The following TAF1 variants were observed in gnomAD, a reference collection of about 807,000 sequenced individuals.
The protein encoded by TAF1 is TATA-box binding protein associated factor 1.
TAF1 carries 2 observed loss-of-function variants against 138.5 expected under a neutral mutation model. That is an observed-to-expected ratio of 0.01 (90% CI 0.01 to 0.05). The LOEUF (loss-of-function observed/expected upper bound fraction) is 0.05, where lower values mean the gene tolerates loss of function less well. Ranked by LOEUF, TAF1 falls within the 10% of genes least tolerant of loss-of-function variation. The pLI, the probability that TAF1 is intolerant of heterozygous loss-of-function variation, is 1.00. For missense variants in TAF1, 709 were observed against 1,478.0 expected (o/e 0.48, Z 8.53); for synonymous variants, 437 against 503.2 (o/e 0.87, Z 1.76).
chrX:71,406,286 G>A (rs180843002), intron 25 of TAF1, among the ~76,000 whole-genome samples: 6 of 98,827 alleles, frequency 6.1e-5, no homozygotes, highest in Admixed American at 1.2e-4. Flanking sequence ...CTGACATTGC[G>A]CCATTGCACT....
At chrX:71,528,925 G>A (rs2040050693) in intron 14 of TAF1, among the ~76,000 whole-genome samples, 1 of 111,923 alleles carries the variant, frequency 8.9e-6, no homozygotes, top group African/African-American at 3.3e-5. Context: ...TTTACAGAGT[G>A]CTGATTGGTC....
chrX:71,404,194 G>T (rs760084131), intron 25 of TAF1, among the ~76,000 whole-genome samples: 2 of 110,385 alleles, frequency 1.8e-5, no homozygotes, highest in African/African-American at 3.3e-5. Context: ...GGCTGGTCTT[G>T]AACTTCTGAC....
chrX:71,512,029 A>G (rs191933860), intron 13 of TAF1, among the ~76,000 whole-genome samples: 3,444 of 105,689 alleles, frequency 0.033, 48 homozygotes, highest in African/African-American at 0.041. Flanking sequence ...AAAAAAAAAA[A>G]GGGGGCTGGG....
chrX:71,422,591 C>T (rs2036407209), intron 29 of TAF1, among the ~76,000 whole-genome samples: 2 of 108,981 alleles, frequency 1.8e-5, no homozygotes, highest in African/African-American at 6.7e-5. Flanking sequence ...TCCCAGATTG[C>T]TGGGATTACA....
At chrX:71,471,372 C>CAT (rs2038885356) in intron 13 of TAF1, among the ~76,000 whole-genome samples, 2 of 104,950 alleles carry the variant, frequency 1.9e-5, no homozygotes, top group South Asian at 8.3e-4. Flanking sequence ...CACACACACA[C>CAT]ATGAATGGAA....
At chrX:71,458,465 A>G in intron 35 of TAF1, 99 bp downstream of exon 35, 1 of 1,065,580 alleles carries the variant, frequency 9.4e-7, no homozygotes, top group South Asian at 2.3e-5. Context: ...TATGTCAAGA[A>G]TGACTGGGCC....
At chrX:71,417,609 C>G (rs944177405) in intron 28 of TAF1, among the ~76,000 whole-genome samples, 2 of 111,048 alleles carry the variant, frequency 1.8e-5, no homozygotes, top group African/African-American at 6.6e-5. Flanking sequence ...AGCGATCTGT[C>G]CACCTCAGCA....
At chrX:71,510,532 G>A (rs1284205810) in intron 13 of TAF1, among the ~76,000 whole-genome samples, 1 of 111,868 alleles carries the variant, frequency 8.9e-6, no homozygotes, top group Admixed American at 9.5e-5. Context: ...TGCAGATGGT[G>A]CCGCTATCAA....
At chrX:71,491,146 C>T (rs1437892173) in intron 13 of TAF1, 1 of 100,376 alleles carries the variant, frequency 1.0e-5, no homozygotes, top group Non-Finnish European at 2.0e-5. Context: ...TAGTTGTAAA[C>T]ACCACTGCAC....
At chrX:71,496,390 G>C (rs1427487650) in intron 13 of TAF1, among the ~76,000 whole-genome samples, 1 of 112,257 alleles carries the variant, frequency 8.9e-6, no homozygotes, top group Non-Finnish European at 1.9e-5. Context: ...TCATGGAGAA[G>C]ACCTTCAATG....
At chrX:71,503,340 A>ATGTG (rs2039557721) in intron 13 of TAF1, among the ~76,000 whole-genome samples, 1 of 99,329 alleles carries the variant, frequency 1.0e-5, no homozygotes, top group African/African-American at 3.8e-5. Flanking sequence ...ATATATATAT[A>ATGTG]TATGTGTATA....
Position 71,454,848 on chromosome X carries a change from C to T in TAF1, c.4929C>T (p.Tyr1643=). 8.3e-7 allele frequency: 1 copy of T among 1,209,975 alleles called. No individual in the cohort carries two copies. The highest frequency in any genetic ancestry group is 1.1e-6 in the Non-Finnish European group (1 of 894,495). ...ESLDPMTPGP[Y]TPQPPDLYDT... Reference sequence around the variant, plus strand: ...TGGACCCAATGACCCCAGGGCCCTACACGCCTCAGGTGAGTCTGAGGACTA... The same window carrying T: ...TGGACCCAATGACCCCAGGGCCCTATACGCCTCAGGTGAGTCTGAGGACTA... The change falls in exon 34 of 38, where the codon TAC becomes TAT. Residue 1643 remains tyrosine, a synonymous_variant. Transcript: ENST00000423759.
intron 32 of TAF1, among the ~76,000 whole-genome samples, chrX:71,426,487 C>T (rs902297109): frequency 9.0e-6 from 1 of 111,327 alleles, no homozygotes; most frequent in Non-Finnish European, 1.9e-5. Context: ...AGGCCGAGGC[C>T]GGCGGATCAC....
rs1180720190 is a variant in TAF1, at chrX:71,445,242, G to A, written c.4754-8928G>A. ...TTGAACCTGGGAGGTGGAGGTTGCA[G>A]TGAGTTGAGATCACGCCACTGCACT... On this transcript the variant is annotated intron_variant, in intron 32 of 37. Transcript: ENST00000423759. 2.9e-5 allele frequency among the ~76,000 whole-genome samples: 3 copies of A among 104,256 alleles called. No homozygotes were observed. In the East Asian group the frequency reaches 9.1e-4, roughly 32 times the overall value. 90.5% of individuals were successfully genotyped at this position (104,256 alleles called of 115,157 possible). A position where few individuals can be genotyped will look rare whatever the true frequency, so the allele number is the denominator to read the frequency against.
At chrX:71,403,597 C>A (rs768538869) in intron 25 of TAF1, among the ~76,000 whole-genome samples, 22 of 111,700 alleles carry the variant, frequency 2.0e-4, no homozygotes, top group Non-Finnish European at 3.6e-4. Flanking sequence ...TTATAATTAA[C>A]ATGTTGATGA....
intron 34 of TAF1, chrX:71,455,161 T>C (rs779882392): frequency 6.3e-5 from 52 of 820,783 alleles, no homozygotes; most frequent in Non-Finnish European, 8.0e-5. Flanking sequence ...GGAATTTTCT[T>C]GTCCATGAAT....
At position 71,366,433 on chromosome X, in the gene TAF1, G is replaced by C. The variant is rs759938561; in HGVS notation, c.59G>C (p.Gly20Ala). 3.5e-6 allele frequency: 4 copies of C among 1,154,139 alleles called. No homozygotes were observed. In the East Asian group the frequency reaches 1.0e-4, roughly 29 times the overall value. ...GGAGGCGGCCCATTTTCTTTAGCGG[G>C]TTTCCTTTTCGGCAACATCAATGGA... ...SAGGGPFSLA[G>A]FLFGNINGAG... Residue 20 changes from glycine to alanine, a missense_variant, in exon 1 of 38, where the codon GGT (glycine) becomes GCT (alanine). Gly to Ala is a moderately conservative substitution (Grantham distance 60). Transcript: ENST00000423759.
rs766066456 is a variant in TAF1, at chrX:71,441,823, C to T, written c.4754-12347C>T. ...CTAATGCTATCCCTCCCCCAGCCCC[C>T]CACCCCACAACAGGCCCCAGTATGT... On this transcript the variant is annotated intron_variant, in intron 32 of 37. Transcript: ENST00000423759. The T allele has an allele frequency of 1.0e-3, 167 of 166,328 alleles. 2 individuals are homozygous for T. Among genetic ancestry groups the T allele is most frequent in the Non-Finnish European group, 4.1e-4 (37 of 89,631 alleles). 13.7% of individuals were successfully genotyped at this position (166,328 alleles called of 1,213,427 possible).
At chrX:71,418,761 ATTTTT>A (rs1259701142) in intron 28 of TAF1, among the ~76,000 whole-genome samples, 2 of 70,671 alleles carry the variant, frequency 2.8e-5, no homozygotes, top group African/African-American at 1.2e-4. Context: ...CAGTATGGAG[ATTTTT>A]TTTTTTTTTT....
Sources: allele counts gnomAD v4.1 joint callset (sites outside exome capture counted in the v4.1 genomes callset), GRCh38; gene constraint gnomAD v4.1.1; transcripts MANE v1.5; gene names NCBI Gene and HGNC (gene_info 2026-07-23, HGNC 2026-07-21).